Variants in ESF1 observed in about 807,000 individuals in gnomAD.
The protein encoded by ESF1 is ESF1 homolog.
Under a neutral mutation model 92.0 loss-of-function variants are expected in ESF1, and 58 were observed. The ratio of observed to expected loss-of-function variants is 0.63; its 90% CI spans 0.51 to 0.78. ESF1 has a LOEUF of 0.78. Ranked by LOEUF, ESF1 falls within the 30% of genes least tolerant of loss-of-function variation. The pLI, the probability that ESF1 is intolerant of heterozygous loss-of-function variation, is 0.00. For missense variants in ESF1, 922 were observed against 989.1 expected (o/e 0.93, Z 0.91); for synonymous variants, 321 against 313.7 (o/e 1.02, Z -0.24).
chr20:13,730,312 G>C (rs1321960123), intron 10 of ESF1, among the ~76,000 whole-genome samples: 1 of 151,688 alleles, frequency 6.6e-6, no homozygotes, highest in African/African-American at 2.4e-5. Flanking sequence ...AACTTTAGGT[G>C]ATCCGCCTGC....
chr20:13,775,387 G>A, intron 3 of ESF1, 117 bp from the exon 4 acceptor site: 1 of 620,504 alleles, frequency 1.6e-6, no homozygotes, highest in Non-Finnish European at 2.7e-6. Flanking sequence ...TAATAGTACA[G>A]GAGTTATCTA....
Position 13,718,920 on chromosome 20 carries a change from TATTTCA to T in ESF1, c.2097_2102del (p.Ile701_Glu702del). ...AATCGTATTTTACCTTTTGTCTTTC[TATTTCA>T]ATTTCTTCTTCTGGAGATGTGCCAT... On this transcript the variant is annotated inframe_deletion, in exon 12 of 14. Transcript: ENST00000617257. 6.2e-7 allele frequency: 1 copy of T among 1,602,940 alleles called. No homozygotes were observed. The highest frequency in any genetic ancestry group is 8.5e-7 in the Non-Finnish European group (1 of 1,176,126).
chr20:13,741,781 A>C (rs2050015104), intron 9 of ESF1, among the ~76,000 whole-genome samples: 1 of 152,246 alleles, frequency 6.6e-6, no homozygotes, highest in Non-Finnish European at 1.5e-5. Flanking sequence ...ACAATATTAA[A>C]ATCAAGTATT....
intron 10 of ESF1, among the ~76,000 whole-genome samples, chr20:13,733,283 A>G (rs2049955547): frequency 6.6e-6 from 1 of 152,188 alleles, no homozygotes; most frequent in Admixed American, 6.5e-5. Context: ...GAGCCATAAG[A>G]TAATACTGTA....
chr20:13,784,504 TTA>T (rs1980543482), intron 1 of ESF1, among the ~76,000 whole-genome samples: 1 of 151,922 alleles, frequency 6.6e-6, no homozygotes, highest in Non-Finnish European at 1.5e-5. Context: ...AAAGCACTCA[TTA>T]TATGTCAGAT....
chr20:13,755,175 G>A (rs1978833236), intron 9 of ESF1, among the ~76,000 whole-genome samples: 2 of 152,306 alleles, frequency 1.3e-5, no homozygotes. Flanking sequence ...GTATTTGATG[G>A]AGTAAGGAAG....
rs1303998318 is a variant in ESF1, at chr20:13,782,737, A to G, written c.404T>C (p.Ile135Thr). 1 of 1,592,226 alleles carries G rather than the reference A, an allele frequency of 6.3e-7. No homozygotes were observed. The highest frequency in any genetic ancestry group is 1.8e-5 in the Admixed American group (1 of 54,840). ...SENKTDLDNS[I>T]GIKKMKTSCK... Reference sequence around the variant, plus strand: ...TGAGGTTTTCATTTTTTTAATTCCTATAGAATTATCTAAATCAGTTTTATT... The same window carrying G: ...TGAGGTTTTCATTTTTTTAATTCCTGTAGAATTATCTAAATCAGTTTTATT... The change falls in exon 2 of 14, where the codon ATA becomes ACA. Residue 135 changes from isoleucine to threonine, a missense_variant. Ile to Thr is a moderately conservative substitution (Grantham distance 89). Transcript: ENST00000617257.
chr20:13,723,998 A>C (rs2049884804), intron 11 of ESF1, among the ~76,000 whole-genome samples: 2 of 152,256 alleles, frequency 1.3e-5, no homozygotes, highest in South Asian at 4.1e-4. Flanking sequence ...TCTACATTTT[A>C]AAAATTACAA....
rs539086585 is a variant in ESF1, at chr20:13,755,238, TCACTAATATCTATTAGGC to T, written c.1828+4436_1828+4453del. Reference sequence around the variant, plus strand: ...GTAGAAAAAAGACCAGCTATCCATTTCACTAATATCTATTAGGCCAGAGATAGCTAAGAAAAACAGGAC... The same window carrying T: ...GTAGAAAAAAGACCAGCTATCCATTTCAGAGATAGCTAAGAAAAACAGGAC... On this transcript the variant is annotated intron_variant, in intron 9 of 13. Transcript: ENST00000617257. Among the ~76,000 whole-genome samples the T allele has an allele frequency of 1.9e-3, 283 of 152,304 alleles. 4 individuals are homozygous for T. Among genetic ancestry groups the T allele is most frequent in the Admixed American group, 0.017 (260 of 15,284 alleles).
chr20:13,745,909 G>A (rs562818340), intron 9 of ESF1, among the ~76,000 whole-genome samples: 114 of 146,042 alleles, frequency 7.8e-4, no homozygotes, highest in African/African-American at 2.7e-3. Context: ...TACATAACTG[G>A]GAAGTCACAC....
Position 13,772,578 on chromosome 20 carries a change from T to TC in ESF1, c.1186dup (p.Glu396GlyfsTer15). ...CTCTACTGGTCCTTGAACTTGCTCT[T>TC]CCTTCATCCTCTCCTTTCCAAATTC... is the stretch of plus-strand genomic sequence containing the variant. On this transcript the variant is annotated frameshift_variant, in exon 5 of 14. Coordinates refer to ENST00000617257, the MANE Select transcript of ESF1 (RefSeq NM_001276380.2). LOFTEE classifies it high-confidence loss of function. 1 of 1,612,948 alleles carries TC rather than the reference T, an allele frequency of 6.2e-7. No individual in the cohort carries two copies. Among genetic ancestry groups the TC allele is most frequent in the Non-Finnish European group, 8.5e-7 (1 of 1,179,500 alleles).
chr20:13,771,427 G>T lies in ESF1; in HGVS notation c.1307C>A (p.Ala436Glu). Reference protein sequence around the residue: ...YQFKRLKYYYAVVDCDSPETA... With the variant: ...YQFKRLKYYYEVVDCDSPETA... ...TTCCGGAGAATCACAGTCTACTACT[G>T]CATAATAGTACTTCAGTCGTTTGAA... Residue 436 changes from alanine to glutamate, a missense_variant, in exon 6 of 14, where the codon GCA becomes GAA. Physicochemically the swap from Ala to Glu is moderately radical, Grantham distance 107. Transcript: ENST00000617257. 6.2e-7 allele frequency: 1 copy of T among 1,611,840 alleles called. No homozygotes were observed.
intron 7 of ESF1, 104 bp from the exon 8 acceptor site, chr20:13,767,028 A>C (rs748134755): frequency 6.9e-5 from 77 of 1,115,796 alleles, no homozygotes; most frequent in Non-Finnish European, 1.4e-5. Flanking sequence ...CAGTAAGTTA[A>C]AAGTTAAGAC....
At chr20:13,745,953 G>A (rs2050045670) in intron 9 of ESF1, among the ~76,000 whole-genome samples, 1 of 152,180 alleles carries the variant, frequency 6.6e-6, no homozygotes, top group East Asian at 1.9e-4. Context: ...GTCTGTGGCT[G>A]TATGTGTTCA....
Position 13,714,447 on chromosome 20 carries a change from A to T in ESF1, c.*427T>A, listed in dbSNP as rs2049808955. 6.6e-6 allele frequency: 1 copy of T among 152,348 alleles called. No homozygotes were observed. Among genetic ancestry groups the T allele is most frequent in the Admixed American group, 6.5e-5 (1 of 15,278 alleles). The allele number at this position is 152,348 out of a possible 1,614,324, so 9.4% of individuals were successfully genotyped here. A position where few individuals can be genotyped will look rare whatever the true frequency, so the allele number is the denominator to read the frequency against. On this transcript the variant is annotated 3_prime_UTR_variant, in exon 14 of 14. Transcript: ENST00000617257. ...AGAAAAATAAATTATTTTAATAGTT[A>T]TTTAAACATGCCTCCTGCTTCCAGA...
intron 13 of ESF1, 23 bp from the exon 14 acceptor site, chr20:13,715,190 AATTAAT>A: frequency 6.8e-7 from 1 of 1,463,556 alleles, no homozygotes; most frequent in Admixed American, 2.4e-5. Context: ...AAAAAAAAAA[AATTAAT>A]AAATTAATTA....
intron 1 of ESF1, 91 bp from the exon 2 acceptor site, chr20:13,783,274 T>A: frequency 1.0e-6 from 1 of 971,002 alleles, no homozygotes; most frequent in Non-Finnish European, 1.5e-6. Context: ...TCTAAGTTAA[T>A]ATATTCTAAG....
chr20:13,724,578 T>A (rs2147722724), intron 11 of ESF1, among the ~76,000 whole-genome samples: 1 of 152,330 alleles, frequency 6.6e-6, no homozygotes, highest in Admixed American at 6.5e-5. Flanking sequence ...AGCACAAATT[T>A]AGTTTTTGCT....
intron 9 of ESF1, among the ~76,000 whole-genome samples, chr20:13,734,825 TAAGA>T (rs1328425038): frequency 1.3e-5 from 2 of 152,138 alleles, no homozygotes; most frequent in Non-Finnish European, 2.9e-5. Flanking sequence ...TTCTAAATTC[TAAGA>T]AAGTAGAAAC....
Sources: allele counts gnomAD v4.1 joint callset (sites outside exome capture counted in the v4.1 genomes callset), GRCh38; gene constraint gnomAD v4.1.1; transcripts MANE v1.5; gene names NCBI Gene and HGNC (gene_info 2026-07-23, HGNC 2026-07-21).